The following SUSD5 variants were observed in gnomAD, a reference collection of about 807,000 sequenced individuals.
SUSD5 encodes the protein sushi domain containing 5.
SUSD5 carries 33 observed loss-of-function variants against 29.5 expected under a neutral mutation model. The ratio of observed to expected loss-of-function variants is 1.12; its 90% CI spans 0.85 to 1.49. The LOEUF (loss-of-function observed/expected upper bound fraction) is 1.49, where lower values mean the gene tolerates loss of function less well. Among genes scored for constraint, SUSD5 ranks in the 40% most tolerant of loss-of-function variants. The pLI is 0.00. For synonymous variants in SUSD5, 308 were observed against 325.3 expected, an observed-to-expected ratio of 0.95 and a Z score of 0.57; for missense variants, 776 against 800.6, an observed-to-expected ratio of 0.97 and a Z score of 0.37.
At chr3:33,211,252 T>C (rs1435406901) in intron 2 of SUSD5, among the ~76,000 whole-genome samples, 1 of 152,150 alleles carries the variant, frequency 6.6e-6, no homozygotes, top group Non-Finnish European at 1.5e-5. Flanking sequence ...TAATATGTCT[T>C]AATACCTTAT....
intron 1 of SUSD5, among the ~76,000 whole-genome samples, chr3:33,214,759 A>G (rs1275151156): frequency 6.6e-6 from 1 of 152,150 alleles, no homozygotes; most frequent in Non-Finnish European, 1.5e-5. Context: ...AGCAGAGGTG[A>G]AAGCCCAGGC....
At chr3:33,190,463 T>C (rs2031868387) in intron 3 of SUSD5, 1 of 152,328 alleles carries the variant, frequency 6.6e-6, no homozygotes, top group South Asian at 2.1e-4. Flanking sequence ...ATTTTCTCCT[T>C]ATCAACAAAT....
At chr3:33,202,064 C>T (rs527314137) in intron 3 of SUSD5, among the ~76,000 whole-genome samples, 1 of 135,618 alleles carries the variant, frequency 7.4e-6, no homozygotes, top group South Asian at 2.1e-4. Context: ...ATCTATCTGT[C>T]TATCTATCTA....
intron 4 of SUSD5, among the ~76,000 whole-genome samples, chr3:33,154,567 CAT>C (rs58389881): frequency 0.071 from 10,811 of 151,984 alleles, 821 homozygotes; most frequent in African/African-American, 0.18. Flanking sequence ...CAACAAAAAA[CAT>C]GTGAGTTTAT....
chr3:33,172,180 A>AACACAC (rs10576154), intron 4 of SUSD5, among the ~76,000 whole-genome samples: 1,649 of 148,514 alleles, frequency 0.011, 11 homozygotes, highest in East Asian at 0.029. Context: ...ACTCTTGTAA[A>AACACAC]ACACACACAC....
chr3:33,164,996 AC>A, intron 4 of SUSD5, among the ~76,000 whole-genome samples: 1 of 151,846 alleles, frequency 6.6e-6, no homozygotes, highest in Non-Finnish European at 1.5e-5. Flanking sequence ...ACACACACAC[AC>A]ACACACACAC....
intron 1 of SUSD5, among the ~76,000 whole-genome samples, chr3:33,214,754 A>T (rs1217066444): frequency 6.6e-6 from 1 of 152,138 alleles, no homozygotes; most frequent in Admixed American, 6.5e-5. Context: ...ATTCAAGCAG[A>T]GGTGAAAGCC....
intron 2 of SUSD5, among the ~76,000 whole-genome samples, chr3:33,212,196 C>T (rs557321606): frequency 6.6e-6 from 1 of 152,104 alleles, no homozygotes; most frequent in Non-Finnish European, 1.5e-5. Context: ...AACATCACTA[C>T]GCACCCCATG....
intron 4 of SUSD5, among the ~76,000 whole-genome samples, chr3:33,169,410 G>A (rs1002261753): frequency 2.6e-5 from 4 of 151,874 alleles, no homozygotes; most frequent in African/African-American, 4.8e-5. Context: ...TAGTAGCGAC[G>A]GGGTTTCACC....
chr3:33,195,448 T>C (rs987442051), intron 3 of SUSD5, among the ~76,000 whole-genome samples: 3 of 152,186 alleles, frequency 2.0e-5, no homozygotes, highest in Non-Finnish European at 2.9e-5. Context: ...GTGCAGGTAA[T>C]TGACAAGGTC....
chr3:33,214,761 A>C (rs556524000), intron 1 of SUSD5, among the ~76,000 whole-genome samples: 86 of 152,210 alleles, frequency 5.7e-4, no homozygotes, highest in Non-Finnish European at 1.0e-3. Context: ...CAGAGGTGAA[A>C]GCCCAGGCTG....
At chr3:33,214,385 C>G (rs2032387684) in intron 1 of SUSD5, among the ~76,000 whole-genome samples, 1 of 118,224 alleles carries the variant, frequency 8.5e-6, no homozygotes, top group South Asian at 2.9e-4. Context: ...TCAAATCTTT[C>G]TTTTAAAACG....
intron 4 of SUSD5, among the ~76,000 whole-genome samples, chr3:33,159,134 CT>C: frequency 6.6e-6 from 1 of 152,306 alleles, no homozygotes; most frequent in South Asian, 2.1e-4. Context: ...TTGCACAGAG[CT>C]TTGCCAAAGG....
At chr3:33,191,976 T>C (rs1393662449) in intron 3 of SUSD5, among the ~76,000 whole-genome samples, 2 of 152,184 alleles carry the variant, frequency 1.3e-5, no homozygotes, top group Non-Finnish European at 2.9e-5. Context: ...ACAAGTGGCA[T>C]ATAAATTTGC....
intron 3 of SUSD5, among the ~76,000 whole-genome samples, chr3:33,195,789 T>C (rs1423780454): frequency 6.7e-6 from 1 of 148,218 alleles, no homozygotes; most frequent in Non-Finnish European, 1.5e-5. Context: ...GTTCATATAA[T>C]CCCAATTTAG....
chr3:33,194,205 C>A (rs765139382), intron 3 of SUSD5, among the ~76,000 whole-genome samples: 1 of 152,166 alleles, frequency 6.6e-6, no homozygotes, highest in African/African-American at 2.4e-5. Context: ...CCAATCAACT[C>A]GCACTTCTCA....
intron 2 of SUSD5, among the ~76,000 whole-genome samples, chr3:33,211,313 A>G (rs1233399890): frequency 6.6e-6 from 1 of 152,202 alleles, no homozygotes; most frequent in African/African-American, 2.4e-5. Flanking sequence ...CTGGCATACA[A>G]TGCTTGAGAG....
At chr3:33,203,759 C>T (rs1280518640) in intron 3 of SUSD5, among the ~76,000 whole-genome samples, 3 of 152,174 alleles carry the variant, frequency 2.0e-5, no homozygotes, top group South Asian at 2.1e-4. Flanking sequence ...GGCATGCCCT[C>T]GTTGTGCCCG....
rs200309532 is a variant in SUSD5, at chr3:33,180,681, C to CA, written c.410-5608dup. On this transcript the variant is annotated intron_variant, in intron 3 of 4. Coordinates refer to ENST00000309558, the MANE Select transcript of SUSD5 (RefSeq NM_015551.2). ...AAAATTACTTTTTATACTAAAAATACAAAAAAAAATTATCCAGGCGTGGTG... is the reference window on the plus strand; with the variant it reads ...AAAATTACTTTTTATACTAAAAATACAAAAAAAAAATTATCCAGGCGTGGTG... Among the ~76,000 whole-genome samples, 1,459 of 150,410 alleles carry CA rather than the reference C, an allele frequency of 9.7e-3. 14 individuals carry two copies. The highest frequency in any genetic ancestry group is 0.015 in the Non-Finnish European group (1,021 of 67,522).
Sources: allele counts gnomAD v4.1 joint callset (sites outside exome capture counted in the v4.1 genomes callset), GRCh38; gene constraint gnomAD v4.1.1; transcripts MANE v1.5; gene names NCBI Gene and HGNC (gene_info 2026-07-23, HGNC 2026-07-21).